The following KRI1 variants were observed in gnomAD, a reference collection of about 807,000 sequenced individuals.
KRI1 encodes the protein KRI1 homolog, also known as protein KRI1 homolog.
A neutral mutation model predicts 97.0 loss-of-function variants in KRI1; 83 were observed. That is an observed-to-expected ratio of 0.86 (90% CI 0.72 to 1.03). The LOEUF is 1.03. Among genes scored for constraint, KRI1 ranks in the 50% least tolerant of loss-of-function variants. The pLI, the probability that KRI1 is intolerant of heterozygous loss-of-function variation, is 0.00. For missense variants in KRI1, 916 were observed against 928.4 expected, an observed-to-expected ratio of 0.99 and a Z score of 0.17; for synonymous variants, 371 against 363.5, an observed-to-expected ratio of 1.02 and a Z score of -0.23.
chr19:10,565,629 G>A, intron 2 of KRI1, 88 bp downstream of exon 2: 1 of 1,459,322 alleles, frequency 6.9e-7, no homozygotes. Context: ...CTCTGGGGTT[G>A]GGGGTTCCCC....
At chr19:10,565,416 C>T (rs1916832885) in intron 2 of KRI1, 5 of 511,614 alleles carry the variant, frequency 9.8e-6, no homozygotes, top group Non-Finnish European at 1.7e-5. Flanking sequence ...AAGGAGTACA[C>T]TAAAAAATGG....
At position 10,562,731 on chromosome 19, in the gene KRI1, T is replaced by G; in HGVS notation, c.381A>C (p.Ala127=). 9 of 1,572,232 alleles carry G rather than the reference T, an allele frequency of 5.7e-6. No homozygotes were observed. The highest frequency in any genetic ancestry group is 7.9e-6 in the Non-Finnish European group (9 of 1,141,718). The part of the protein sequence containing the change: ...DYERKVILEK[A]GKYVDEENSD... ...GGGGATGTAGGCCTTCTCCATACCC[T>G]GCCTTCTCCAAGATAACCTTCCTCT... is the stretch of plus-strand genomic sequence containing the variant. The change falls in exon 4 of 19, where the codon GCA becomes GCC. Residue 127 remains alanine (A), a splice_region_variant and synonymous_variant. Coordinates refer to ENST00000312962, the MANE Select transcript of KRI1 (RefSeq NM_023008.5).
At chr19:10,565,131 G>T in intron 2 of KRI1, 97 bp from the exon 3 acceptor site, 1 of 812,694 alleles carries the variant, frequency 1.2e-6, no homozygotes, top group South Asian at 1.4e-5. Flanking sequence ...AGGATGGAGG[G>T]GGGTGGATCT....
chr19:10,559,209 T>C (rs1425633226), intron 12 of KRI1, 150 bp downstream of exon 12: 28 of 762,880 alleles, frequency 3.7e-5, no homozygotes, highest in Non-Finnish European at 5.4e-5. Context: ...TTTACCATGT[T>C]GGCCAGGCTG....
At position 10,559,448 on chromosome 19, in the gene KRI1, G is replaced by A. The variant is rs748911745; in HGVS notation, c.1105C>T (p.Arg369Trp). 2.5e-6 allele frequency: 4 copies of A among 1,613,868 alleles called. No individual in the cohort carries two copies. The highest frequency in any genetic ancestry group is 3.3e-5 in the Admixed American group (2 of 59,946). The change falls in exon 12 of 19, where the codon CGG (arginine) becomes TGG (tryptophan). Residue 369 changes from arginine (R) to tryptophan (W), a missense_variant. This residue lies in a region of KRI1 where 672 missense variants were observed against 667.2 expected (regional missense o/e 1.01). Transcript: ENST00000312962. ...KEILAKLEKL[R>W]KVTGNEMLGL... The stretch of plus-strand genomic sequence containing the variant: ...AGCATCTCGTTGCCTGTTACTTTCC[G>A]CAGCTTCTCCAGCTTGGCCAGAATC...
Position 10,559,678 on chromosome 19 carries a change from A to G in KRI1, c.958T>C (p.Ser320Pro). Residue 320 changes from serine (S) to proline (P), a missense_variant, in exon 11 of 19, where the codon TCC becomes CCC. This residue lies in a region of KRI1 where 672 missense variants were observed against 667.2 expected (regional missense o/e 1.01). Coordinates refer to ENST00000312962, the MANE Select transcript of KRI1 (RefSeq NM_023008.5). The part of the protein sequence containing the change: ...VKTYPRSIAS[S>P]VRRKDERRKE... ...CTGCGCTCATCCTTACGGCGCACGG[A>G]GGACGCGATGCTGCGTGGGTAGGTC... The G allele has an allele frequency of 6.2e-7, 1 of 1,613,886 alleles. No individual in the cohort carries two copies. The highest frequency in any genetic ancestry group is 8.5e-7 in the Non-Finnish European group (1 of 1,179,982).
At chr19:10,555,253 G>T in intron 17 of KRI1, 32 bp downstream of exon 17, 2 of 1,613,072 alleles carry the variant, frequency 1.2e-6, no homozygotes, top group Non-Finnish European at 1.7e-6. Context: ...TGCCCCCTGC[G>T]CATGTGGCCC....
At chr19:10,560,736 T>C (rs945973144) in intron 8 of KRI1, among the ~76,000 whole-genome samples, 4 of 152,124 alleles carry the variant, frequency 2.6e-5, no homozygotes, top group African/African-American at 7.2e-5. Context: ...TGGCTAATTT[T>C]TTCATTTTTT....
chr19:10,559,116 T>C (rs1028300362), intron 12 of KRI1, among the ~76,000 whole-genome samples: 5 of 152,028 alleles, frequency 3.3e-5, no homozygotes, highest in African/African-American at 9.7e-5. Flanking sequence ...GCAATTCTCC[T>C]GCCTCAGCCT....
Position 10,564,848 on chromosome 19 carries a change from C to G in KRI1, c.274+81G>C, listed in dbSNP as rs961133020. 8.9e-5 allele frequency: 79 copies of G among 888,804 alleles called. No homozygotes were observed. In the African/African-American group the frequency reaches 1.3e-3, roughly 14 times the overall value. The allele number at this position is 888,804 out of a possible 1,614,324, so 55.1% of individuals were successfully genotyped here. ...AAAGAGGCTCAGAGAAGTCAAGTCA[C>G]TTCTCTGAATCCACAGTCAGGAAAG... On this transcript the variant is annotated intron_variant, in intron 3 of 18. Coordinates refer to ENST00000312962, the MANE Select transcript of KRI1 (RefSeq NM_023008.5).
chr19:10,560,958 G>T, intron 8 of KRI1, 45 bp downstream of exon 8: 2 of 1,443,860 alleles, frequency 1.4e-6, no homozygotes, highest in Non-Finnish European at 2.0e-6. Flanking sequence ...GGATGGACGC[G>T]GAACACGCGG....
rs1244115282 is a variant in KRI1 at position 10,565,862 on chromosome 19, GGCCGGCGCGCGCAGGCTCCC to G, written c.94+24_94+43del. 6 of 1,531,030 alleles carry G rather than the reference GGCCGGCGCGCGCAGGCTCCC, an allele frequency of 3.9e-6. No homozygotes were observed. The African/African-American group carries it at 8.6e-5, about 22-fold the overall frequency. 94.8% of individuals were successfully genotyped at this position (1,531,030 alleles called of 1,614,324 possible). ...CCACTCGACTCCCCACTTCCCAACC[GGCCGGCGCGCGCAGGCTCCC>G]GCGCGCATGCGCCCCGCACTCACGC... On this transcript the variant is annotated intron_variant, in intron 1 of 18. Coordinates refer to ENST00000312962, the MANE Select transcript of KRI1 (RefSeq NM_023008.5).
chr19:10,553,917 G>C lies in KRI1; in HGVS notation c.*34C>G, dbSNP rs753275294. On this transcript the variant is annotated 3_prime_UTR_variant, in exon 19 of 19. Coordinates refer to ENST00000312962, the MANE Select transcript of KRI1 (RefSeq NM_023008.5). ...ACCTGTCCAGGGCTTGATTTGAGGA[G>C]AGGAGCCTGAGGCCCCTGCCTGCTC... The C allele has an allele frequency of 6.0e-6, 9 of 1,497,008 alleles. No homozygotes were observed. The highest frequency in any genetic ancestry group is 8.1e-6 in the Non-Finnish European group (9 of 1,114,402). The allele number at this position is 1,497,008 out of a possible 1,614,324, so 92.7% of individuals were successfully genotyped here. A position where few individuals can be genotyped will look rare whatever the true frequency, so the allele number is the denominator to read the frequency against.
chr19:10,565,060 A>G (rs754973356), intron 2 of KRI1, 26 bp from the exon 3 acceptor site: 1 of 1,446,184 alleles, frequency 6.9e-7, no homozygotes, highest in South Asian at 1.1e-5. Context: ...GGTTGGGGAT[A>G]GATTTCAGAA....
At chr19:10,555,479 G>A in intron 16 of KRI1, 130 bp from the exon 17 acceptor site, 1 of 930,876 alleles carries the variant, frequency 1.1e-6, no homozygotes, top group Non-Finnish European at 1.7e-6. Context: ...GATGGCCAGA[G>A]ACAGCTGATC....
At chr19:10,563,714 G>A (rs1182317930) in intron 3 of KRI1, among the ~76,000 whole-genome samples, 2 of 152,154 alleles carry the variant, frequency 1.3e-5, no homozygotes, top group African/African-American at 2.4e-5. Flanking sequence ...GGAGTGCAGT[G>A]TCAACATCCT....
At chr19:10,558,744 A>G (rs1297885039) in intron 12 of KRI1, among the ~76,000 whole-genome samples, 2 of 151,410 alleles carry the variant, frequency 1.3e-5, no homozygotes, top group Non-Finnish European at 2.9e-5. Context: ...CTCACCCAGT[A>G]GCCCATGCTG....
intron 4 of KRI1, 53 bp downstream of exon 4, chr19:10,562,676 T>C (rs1200088282): frequency 4.6e-6 from 5 of 1,088,312 alleles, no homozygotes; most frequent in Non-Finnish European, 7.1e-6. Flanking sequence ...AAGACCCCCA[T>C]AGACCTGACA....
intron 4 of KRI1, 142 bp downstream of exon 4, chr19:10,562,587 C>G (rs1438855768): frequency 3.1e-6 from 2 of 648,674 alleles, no homozygotes; most frequent in African/African-American, 3.6e-5. Flanking sequence ...ATTGCCTCAG[C>G]CTACCAAAGT....
Sources: gnomAD v4.1 joint callset for allele counts (sites outside exome capture counted in the v4.1 genomes callset) on GRCh38, gnomAD v4.1.1 for gene constraint, gnomAD v4.1.1 regional missense constraint, MANE v1.5 for transcripts, NCBI Gene and HGNC (gene_info 2026-07-23, HGNC 2026-07-21) for gene names.